The following GDPD5 variants were observed in gnomAD, a reference collection of about 807,000 sequenced individuals.
The protein encoded by GDPD5 is glycerophosphodiester phosphodiesterase domain containing 5.
Under a neutral mutation model 75.1 loss-of-function variants are expected in GDPD5, and 48 were observed. The observed-to-expected ratio is 0.64, with a 90% CI of 0.51 to 0.81. The LOEUF (loss-of-function observed/expected upper bound fraction) is 0.81. Among genes scored for constraint, GDPD5 ranks in the 40% least tolerant of loss-of-function variants. The pLI, the probability that GDPD5 is intolerant of heterozygous loss-of-function variation, is 0.00. For synonymous variants in GDPD5, 336 were observed against 339.0 expected (o/e 0.99, Z 0.10); for missense variants, 706 against 822.6 (o/e 0.86, Z 1.73).
intron 1 of GDPD5, among the ~76,000 whole-genome samples, chr11:75,510,284 G>C (rs1378592088): frequency 6.6e-6 from 1 of 152,224 alleles, no homozygotes; most frequent in African/African-American, 2.4e-5. Context: ...GCTCTTCAGA[G>C]TAGGAAGGGA....
intron 1 of GDPD5, among the ~76,000 whole-genome samples, chr11:75,494,128 TA>T (rs1259204092): frequency 6.6e-6 from 1 of 152,186 alleles, no homozygotes; most frequent in African/African-American, 2.4e-5. Context: ...GCTTTAATTT[TA>T]ATAGATGATT....
At chr11:75,467,827 G>A (rs551252165) in intron 3 of GDPD5, among the ~76,000 whole-genome samples, 151 of 152,236 alleles carry the variant, frequency 9.9e-4, no homozygotes, top group African/African-American at 3.3e-3. Flanking sequence ...GAGCCCCTCC[G>A]TAGCAATCTG....
intron 4 of GDPD5, among the ~76,000 whole-genome samples, chr11:75,458,819 G>A (rs1949349944): frequency 6.6e-6 from 1 of 152,154 alleles, no homozygotes; most frequent in Non-Finnish European, 1.5e-5. Context: ...CAGGGTCTCT[G>A]TCACTGAGGC....
intron 1 of GDPD5, among the ~76,000 whole-genome samples, chr11:75,518,034 G>A (rs529975966): frequency 2.1e-4 from 32 of 152,326 alleles, no homozygotes; most frequent in African/African-American, 7.5e-4. Flanking sequence ...AAGGGCCCCC[G>A]GGCTGGGTGT....
chr11:75,466,925 C>T (rs1219568663), intron 3 of GDPD5, among the ~76,000 whole-genome samples: 1 of 152,106 alleles, frequency 6.6e-6, no homozygotes, highest in Admixed American at 6.5e-5. Flanking sequence ...GGGAGGCAGC[C>T]TGAACAGCTC....
rs150894712 is a variant in GDPD5, at chr11:75,461,695, CAG to C, written c.221+1089_221+1090del. Among the ~76,000 whole-genome samples the C allele has an allele frequency of 1.7e-4, 26 of 152,318 alleles. No individual in the cohort carries two copies. In the East Asian group the frequency reaches 4.8e-3, roughly 28 times the overall value. ...CATCCTCAGAAAGACCTGATGAGGT[CAG>C]AGTTACCCCATTTTACAGAAGGAGA... On this transcript the variant is annotated intron_variant, in intron 4 of 16. Transcript: ENST00000336898.
At chr11:75,471,531 T>C (rs2135340960) in intron 3 of GDPD5, among the ~76,000 whole-genome samples, 1 of 152,314 alleles carries the variant, frequency 6.6e-6, no homozygotes, top group South Asian at 2.1e-4. Context: ...AGCCTATCCC[T>C]TGGCTGGCAT....
At chr11:75,441,568 GT>G in intron 13 of GDPD5, 77 bp downstream of exon 13, 25 of 1,223,864 alleles carry the variant, frequency 2.0e-5, no homozygotes, top group Non-Finnish European at 2.6e-5. Context: ...GTGTGTGTGT[GT>G]TGGGGGGTGG....
chr11:75,509,119 G>C (rs1022688811), intron 1 of GDPD5, among the ~76,000 whole-genome samples: 7 of 152,184 alleles, frequency 4.6e-5, no homozygotes, highest in African/African-American at 1.7e-4. Context: ...AGGACACAGA[G>C]AGGCTCCTGT....
intron 1 of GDPD5, among the ~76,000 whole-genome samples, chr11:75,497,087 T>C (rs984503435): frequency 2.0e-5 from 3 of 152,018 alleles, no homozygotes; most frequent in African/African-American, 7.2e-5. Context: ...CCGGCTGCAG[T>C]AGATATTTTT....
intron 1 of GDPD5, among the ~76,000 whole-genome samples, chr11:75,494,762 G>C (rs995301995): frequency 6.6e-6 from 1 of 151,280 alleles, no homozygotes; most frequent in Non-Finnish European, 1.5e-5. Flanking sequence ...GACCAGCCTG[G>C]CCAACATGGT....
intron 1 of GDPD5, among the ~76,000 whole-genome samples, chr11:75,495,286 A>ACAC (rs1357996559): frequency 8.9e-6 from 1 of 111,826 alleles, no homozygotes; most frequent in African/African-American, 3.0e-5. Flanking sequence ...CACACACACT[A>ACAC]TATATAAGTC....
At chr11:75,485,279 T>C (rs2135399598) in intron 2 of GDPD5, 1 of 152,264 alleles carries the variant, frequency 6.6e-6, no homozygotes, top group South Asian at 2.1e-4. Flanking sequence ...TCAAACCCCA[T>C]AGAGTGTGCA....
chr11:75,435,566 C>A lies in GDPD5; in HGVS notation c.1759G>T (p.Val587Leu). The change falls in exon 17 of 17, where the codon GTG (valine) becomes TTG (leucine). Residue 587 changes from valine to leucine, a missense_variant. By Grantham distance (32) the Val-to-Leu change is conservative (BLOSUM62 1). Transcript: ENST00000336898. The stretch of plus-strand genomic sequence containing the variant: ...TGGCTGCCACCCCCTCGGGGGCCCA[C>A]AGGGGTGGCGGTGCTGTTGGCATAT... ...DTYANSTATP[V>L]GPRGGGSHTK... 6.2e-7 allele frequency: 1 copy of A among 1,613,306 alleles called. No individual in the cohort carries two copies.
intron 3 of GDPD5, among the ~76,000 whole-genome samples, chr11:75,472,012 A>G (rs952707230): frequency 1.3e-5 from 2 of 152,114 alleles, no homozygotes; most frequent in African/African-American, 4.8e-5. Context: ...CTTTTCCTCA[A>G]AGCGCTGAAG....
intron 3 of GDPD5, 62 bp downstream of exon 3, chr11:75,477,557 C>A (rs998836291): frequency 2.7e-6 from 3 of 1,097,232 alleles, no homozygotes; most frequent in Non-Finnish European, 3.9e-6. Context: ...GACCCCTCCC[C>A]CAGCCCCTCA....
intron 1 of GDPD5, among the ~76,000 whole-genome samples, chr11:75,519,506 T>C (rs1166631897): frequency 6.6e-6 from 1 of 152,218 alleles, no homozygotes; most frequent in East Asian, 1.9e-4. Context: ...TAAGATCCTC[T>C]GTGAGGTGCT....
At chr11:75,455,388 G>A (rs1949263737) in intron 6 of GDPD5, 1 of 456,474 alleles carries the variant, frequency 2.2e-6, no homozygotes, top group African/African-American at 2.0e-5. Flanking sequence ...GGAAGGTGGG[G>A]GGACCAGGGG....
chr11:75,455,297 T>C (rs1315005799), intron 6 of GDPD5: 2 of 455,178 alleles, frequency 4.4e-6, no homozygotes, highest in Non-Finnish European at 8.8e-6. Flanking sequence ...AAATGCCAGC[T>C]TTGCAGCCAG....
Sources: gnomAD v4.1 joint callset for allele counts (sites outside exome capture counted in the v4.1 genomes callset) on GRCh38, gnomAD v4.1.1 for gene constraint, MANE v1.5 for transcripts, NCBI Gene and HGNC (gene_info 2026-07-23, HGNC 2026-07-21) for gene names.